CHST9: variants seen among roughly 807,000 people sequenced by gnomAD.
CHST9 encodes the protein carbohydrate sulfotransferase 9.
Under a neutral mutation model 44.4 loss-of-function variants are expected in CHST9, and 41 were observed. The observed-to-expected ratio is 0.92, with a 90% CI of 0.72 to 1.20. The LOEUF is 1.20. Among genes scored for constraint, CHST9 ranks in the 50% most tolerant of loss-of-function variants. The pLI is 0.00. For missense variants in CHST9, 504 were observed against 516.5 expected, an observed-to-expected ratio of 0.98 and a Z score of 0.23; for synonymous variants, 171 against 178.4, an observed-to-expected ratio of 0.96 and a Z score of 0.33.
At chr18:26,920,404 TCC>T (rs1195515058) in intron 5 of CHST9, among the ~76,000 whole-genome samples, 2 of 152,190 alleles carry the variant, frequency 1.3e-5, no homozygotes, top group African/African-American at 4.8e-5. Context: ...GTTATTTCCC[TCC>T]CTTTCAAAAT....
intron 3 of CHST9, among the ~76,000 whole-genome samples, chr18:27,043,953 C>T (rs140740079): frequency 2.0e-5 from 3 of 152,164 alleles, no homozygotes; most frequent in African/African-American, 4.8e-5. Flanking sequence ...ATAGGCCATG[C>T]CTTTTCCCAC....
At chr18:27,014,453 C>CAAAAAAAAAAAAAA (rs57437876) in intron 4 of CHST9, among the ~76,000 whole-genome samples, 10 of 39,436 alleles carry the variant, frequency 2.5e-4, no homozygotes, top group East Asian at 8.1e-4. Flanking sequence ...GACTCTGTCT[C>CAAAAAAAAAAAAAA]AAAAAAAAAA....
At chr18:27,008,641 T>C (rs2057045672) in intron 4 of CHST9, among the ~76,000 whole-genome samples, 1 of 152,192 alleles carries the variant, frequency 6.6e-6, no homozygotes, top group African/African-American at 2.4e-5. Context: ...ATAAATTGCA[T>C]AAAGTGTTAA....
At chr18:26,938,238 A>C (rs1253965311) in intron 5 of CHST9, among the ~76,000 whole-genome samples, 3 of 152,124 alleles carry the variant, frequency 2.0e-5, no homozygotes, top group African/African-American at 7.2e-5. Flanking sequence ...GCACTTCGAC[A>C]TTTACACTTA....
At chr18:27,066,145 A>G (rs550014276) in intron 2 of CHST9, among the ~76,000 whole-genome samples, 1 of 152,244 alleles carries the variant, frequency 6.6e-6, no homozygotes, top group African/African-American at 2.4e-5. Flanking sequence ...TCTGGGCAAC[A>G]AAGTCAAAAG....
intron 4 of CHST9, among the ~76,000 whole-genome samples, chr18:27,019,260 G>A (rs1285358559): frequency 2.0e-5 from 3 of 152,188 alleles, no homozygotes; most frequent in African/African-American, 7.2e-5. Context: ...TAGCCTGCAA[G>A]GATTAACTCT....
intron 2 of CHST9, among the ~76,000 whole-genome samples, chr18:27,057,923 C>T (rs187086479): frequency 3.4e-4 from 52 of 152,324 alleles, no homozygotes; most frequent in South Asian, 2.1e-3. Flanking sequence ...GAGATCTACC[C>T]GACAAGCACG....
chr18:27,115,029 G>A (rs1362994789), intron 2 of CHST9, among the ~76,000 whole-genome samples: 1 of 152,042 alleles, frequency 6.6e-6, no homozygotes. Context: ...CAGAAGTTTT[G>A]TAAGTGCCTG....
At chr18:27,122,449 G>GA (rs749502487) in intron 2 of CHST9, among the ~76,000 whole-genome samples, 10 of 152,282 alleles carry the variant, frequency 6.6e-5, no homozygotes, top group African/African-American at 1.2e-4. Context: ...AAAAGTTAAT[G>GA]AAAAATCAGC....
Position 27,139,740 on chromosome 18 carries a change from A to T in CHST9, c.121+2949T>A, listed in dbSNP as rs146265937. ...TTAAAATATATCAAGAATCAGGGAA[A>T]GCACTTCTATCAAAATTACAAATAA... is the stretch of plus-strand genomic sequence containing the variant. On this transcript the variant is annotated intron_variant, in intron 2 of 5. Coordinates refer to ENST00000618847, the MANE Select transcript of CHST9 (RefSeq NM_031422.6). 1.4e-3 allele frequency among the ~76,000 whole-genome samples: 207 copies of T among 152,320 alleles called. 1 individual carries two copies. The highest frequency in any genetic ancestry group is 4.9e-3 in the African/African-American group (202 of 41,582).
chr18:27,037,692 C>A (rs1419369214), intron 3 of CHST9, among the ~76,000 whole-genome samples: 1 of 152,006 alleles, frequency 6.6e-6, no homozygotes, highest in Admixed American at 6.6e-5. Context: ...AGAGAGAGAC[C>A]CTGTCTCAAA....
At chr18:27,024,243 C>T in intron 3 of CHST9, 86 bp from the exon 4 acceptor site, 1 of 1,038,174 alleles carries the variant, frequency 9.6e-7, no homozygotes, top group Non-Finnish European at 1.4e-6. Flanking sequence ...TGCCTCAAAG[C>T]CTCTCATATT....
chr18:27,163,379 G>A (rs569575667), intron 1 of CHST9, among the ~76,000 whole-genome samples: 1 of 152,314 alleles, frequency 6.6e-6, no homozygotes, highest in South Asian at 2.1e-4. Context: ...GGATTCTGCT[G>A]CCTTTTGTTT....
chr18:27,057,269 T>A (rs556516634), intron 2 of CHST9, among the ~76,000 whole-genome samples: 10 of 152,352 alleles, frequency 6.6e-5, no homozygotes, highest in South Asian at 6.2e-4. Context: ...TGAAAGGATT[T>A]TATGTACTAC....
chr18:27,121,886 A>C (rs1379005277), intron 2 of CHST9, among the ~76,000 whole-genome samples: 1 of 152,208 alleles, frequency 6.6e-6, no homozygotes, highest in African/African-American at 2.4e-5. Flanking sequence ...TTATTAGTTT[A>C]ACTTACTTGG....
intron 4 of CHST9, among the ~76,000 whole-genome samples, chr18:26,992,017 T>C (rs928294613): frequency 1.6e-5 from 2 of 127,346 alleles, no homozygotes; most frequent in African/African-American, 5.3e-5. Flanking sequence ...GTTTGTGTGG[T>C]GAAGGAATGA....
At chr18:27,097,738 C>T (rs1479019312) in intron 2 of CHST9, among the ~76,000 whole-genome samples, 2 of 152,042 alleles carry the variant, frequency 1.3e-5, no homozygotes, top group African/African-American at 4.8e-5. Context: ...AGTCTTTAAT[C>T]CATCTTGAGT....
At chr18:27,011,570 C>T (rs2057085566) in intron 4 of CHST9, among the ~76,000 whole-genome samples, 1 of 152,144 alleles carries the variant, frequency 6.6e-6, no homozygotes, top group Non-Finnish European at 1.5e-5. Flanking sequence ...GGAAATCCCA[C>T]CAGGAAACTA....
chr18:27,124,570 A>AT (rs1355916307), intron 2 of CHST9, among the ~76,000 whole-genome samples: 3 of 152,082 alleles, frequency 2.0e-5, no homozygotes, highest in Non-Finnish European at 4.4e-5. Flanking sequence ...GCACACCACC[A>AT]TTTTTCCATC....
Sources: allele counts gnomAD v4.1 joint callset (sites outside exome capture counted in the v4.1 genomes callset), GRCh38; gene constraint gnomAD v4.1.1; transcripts MANE v1.5; gene names NCBI Gene and HGNC (gene_info 2026-07-23, HGNC 2026-07-21).